The following ACSM1 variants were observed in gnomAD, a reference collection of about 807,000 sequenced individuals.
ACSM1 encodes acyl-coenzyme A synthetase ACSM1, mitochondrial.
In ACSM1, 79 loss-of-function variants were observed where a neutral mutation model predicts 75.8. That is an observed-to-expected ratio of 1.04 (90% CI 0.87 to 1.26). The LOEUF is 1.26. ACSM1 is among the 50% of genes most tolerant of loss of function. The probability of loss-of-function intolerance (pLI) is 0.00; values close to 1 mark genes in which losing one functional copy is unlikely to be tolerated. For synonymous variants in ACSM1, 279 were observed against 265.8 expected, an observed-to-expected ratio of 1.05 and a Z score of -0.48; for missense variants, 676 against 720.1, an observed-to-expected ratio of 0.94 and a Z score of 0.70.
intron 7 of ACSM1, among the ~76,000 whole-genome samples, chr16:20,649,909 T>C (rs919824622): frequency 6.6e-6 from 1 of 152,200 alleles, no homozygotes; most frequent in African/African-American, 2.4e-5. Flanking sequence ...GAATAAATCT[T>C]TAAACATATT....
chr16:20,637,296 G>A lies in ACSM1; in HGVS notation c.1197+75C>T, dbSNP rs879551108. 7 of 1,173,816 alleles carry A rather than the reference G, an allele frequency of 6.0e-6. No individual in the cohort carries two copies. In the East Asian group the frequency reaches 1.4e-4, roughly 23 times the overall value. 72.7% of individuals were successfully genotyped at this position (1,173,816 alleles called of 1,614,324 possible). Reference sequence around the variant, plus strand: ...ACTGGAGCAGGGAAGTGCGGCTGGTGTTGTCACCTGGTGTCAAATTGTCCA... The same window carrying A: ...ACTGGAGCAGGGAAGTGCGGCTGGTATTGTCACCTGGTGTCAAATTGTCCA... On this transcript the variant is annotated intron_variant, in intron 9 of 13. Coordinates refer to ENST00000520010, the MANE Select transcript of ACSM1 (RefSeq NM_001318890.3).
intron 7 of ACSM1, 97 bp downstream of exon 7, chr16:20,661,697 C>A: frequency 2.3e-6 from 2 of 882,192 alleles, no homozygotes; most frequent in Admixed American, 2.0e-5. Context: ...CAAACACACA[C>A]ACACTCCTCA....
chr16:20,685,092 G>T (rs2079522429), intron 3 of ACSM1, 101 bp downstream of exon 3: 1 of 1,278,244 alleles, frequency 7.8e-7, no homozygotes, highest in Non-Finnish European at 1.1e-6. Context: ...AGGCTTCAAA[G>T]CTGTGTCAGT....
intron 6 of ACSM1, 79 bp downstream of exon 6, chr16:20,669,743 TAATAA>T: frequency 7.0e-7 from 1 of 1,431,116 alleles, no homozygotes. Flanking sequence ...CTTCTTTGCT[TAATAA>T]AATATTTTTT....
Position 20,677,541 on chromosome 16 carries a change from C to T in ACSM1, c.611+4715G>A, listed in dbSNP as rs542770061. Among the ~76,000 whole-genome samples, 8 of 152,276 alleles carry T rather than the reference C, an allele frequency of 5.3e-5. No individual in the cohort carries two copies. In the South Asian group the frequency reaches 1.7e-3, roughly 32 times the overall value. ...CCTCATCAAGTCAGTACCAGGAGAC[C>T]CCCTTCATTGCTGTGTAAATGTGAT... is the stretch of plus-strand genomic sequence containing the variant. On this transcript the variant is annotated intron_variant, in intron 4 of 13. Transcript: ENST00000520010.
At chr16:20,653,619 C>T (rs2018774453) in intron 7 of ACSM1, among the ~76,000 whole-genome samples, 1 of 152,148 alleles carries the variant, frequency 6.6e-6, no homozygotes, top group Non-Finnish European at 1.5e-5. Flanking sequence ...AATAGACAAA[C>T]AGAGAGCCAA....
At chr16:20,686,472 G>A (rs2079556000) in intron 2 of ACSM1, among the ~76,000 whole-genome samples, 1 of 152,062 alleles carries the variant, frequency 6.6e-6, no homozygotes, top group South Asian at 2.1e-4. Context: ...CCAGTCTGAC[G>A]GGTCAGGGGC....
chr16:20,629,514 T>C (rs1485376482), intron 10 of ACSM1, among the ~76,000 whole-genome samples: 1 of 152,050 alleles, frequency 6.6e-6, no homozygotes, highest in Non-Finnish European at 1.5e-5. Context: ...ATAAAGGAAA[T>C]GAGGGCCAGA....
chr16:20,659,397 G>C (rs759599508), intron 7 of ACSM1, among the ~76,000 whole-genome samples: 1 of 152,034 alleles, frequency 6.6e-6, no homozygotes, highest in Non-Finnish European at 1.5e-5. Context: ...CAAGAGCGGG[G>C]ACTGAGGACT....
intron 3 of ACSM1, 116 bp downstream of exon 3, chr16:20,685,077 G>T: frequency 9.4e-7 from 1 of 1,064,426 alleles, no homozygotes; most frequent in East Asian, 2.5e-5. Context: ...CAGAAACTGG[G>T]GCGAAGGCTT....
intron 1 of ACSM1, among the ~76,000 whole-genome samples, chr16:20,692,885 C>T (rs1567316604): frequency 6.6e-6 from 1 of 152,046 alleles, no homozygotes; most frequent in Admixed American, 6.6e-5. Flanking sequence ...AAAATTAGAG[C>T]TTAGGCCAGG....
intron 7 of ACSM1, among the ~76,000 whole-genome samples, chr16:20,643,712 G>A (rs2018199956): frequency 6.6e-6 from 1 of 152,202 alleles, no homozygotes; most frequent in South Asian, 2.1e-4. Flanking sequence ...ATTTGGCCCT[G>A]CCCACATGCT....
chr16:20,691,255 C>T lies in ACSM1; in HGVS notation c.-51-16G>A. On this transcript the variant is annotated splice_polypyrimidine_tract_variant and intron_variant, in intron 1 of 13. Transcript: ENST00000520010. ...CACCACCTGCCTTGGGAAGAGATGG[C>T]TAATAGATTGGCTGTGTATCCAAAA... is the stretch of plus-strand genomic sequence containing the variant. The T allele has an allele frequency of 2.2e-6, 3 of 1,340,858 alleles. No individual in the cohort carries two copies. Among genetic ancestry groups the T allele is most frequent in the Non-Finnish European group, 3.0e-6 (3 of 996,900 alleles). The allele number at this position is 1,340,858 out of a possible 1,614,324, so 83.1% of individuals were successfully genotyped here. A position where few individuals can be genotyped will look rare whatever the true frequency, so the allele number is the denominator to read the frequency against.
chr16:20,651,758 C>CA (rs1235593359), intron 7 of ACSM1, among the ~76,000 whole-genome samples: 2 of 152,016 alleles, frequency 1.3e-5, no homozygotes, highest in Non-Finnish European at 2.9e-5. Context: ...AATGCTTTTT[C>CA]AAGTTCATGT....
At chr16:20,686,578 A>C (rs1233905643) in intron 2 of ACSM1, among the ~76,000 whole-genome samples, 3 of 152,222 alleles carry the variant, frequency 2.0e-5, no homozygotes, top group African/African-American at 7.2e-5. Context: ...CATGACACGC[A>C]TATACCTACA....
Position 20,624,190 on chromosome 16 carries a change from GT to G in ACSM1, c.1552del (p.Thr518ProfsTer12), listed in dbSNP as rs747757716. ...GEVVKAFIVL[T>X]PQFLSHDKDQ... is the part of the protein sequence containing the mutation. ...CTTGTCATGGGACAGGAACTGTGGG[GT>G]CAGGACAATAAAGGCCTTCACCACC... On this transcript the variant is annotated frameshift_variant, in exon 13 of 14. Transcript: ENST00000520010. LOFTEE classifies it high-confidence loss of function. 11 of 1,612,410 alleles carry G rather than the reference GT, an allele frequency of 6.8e-6. No homozygotes were observed. The East Asian group carries it at 1.6e-4, about 23-fold the overall frequency.
intron 4 of ACSM1, 128 bp from the exon 5 acceptor site, chr16:20,671,799 C>T (rs1022829579): frequency 2.0e-5 from 22 of 1,073,194 alleles, no homozygotes; most frequent in South Asian, 2.5e-5. Context: ...AAAACTGGCT[C>T]TCCCGGAGTT....
At position 20,644,954 on chromosome 16, in the gene ACSM1, A is replaced by G. The variant is rs144016269; in HGVS notation, c.993-4370T>C. On this transcript the variant is annotated intron_variant, in intron 7 of 13. Coordinates refer to ENST00000520010, the MANE Select transcript of ACSM1 (RefSeq NM_001318890.3). ...AAAATATAAATAAATAAATTACTCT[A>G]TCTCAATCCTGACTCAAAACATTGC... Among the ~76,000 whole-genome samples, 698 of 152,342 alleles carry G rather than the reference A, an allele frequency of 4.6e-3. 4 individuals carry two copies. Among genetic ancestry groups the G allele is most frequent in the Admixed American group, 0.015 (224 of 15,308 alleles).
At position 20,671,569 on chromosome 16, in the gene ACSM1, G is replaced by C; in HGVS notation, c.714C>G (p.His238Gln). 1 of 1,613,756 alleles carries C rather than the reference G, an allele frequency of 6.2e-7. No individual in the cohort carries two copies. The highest frequency in any genetic ancestry group is 8.5e-7 in the Non-Finnish European group (1 of 1,179,834). Residue 238 changes from histidine to glutamine, a missense_variant, in exon 5 of 14, where the codon CAC (histidine) becomes CAG (glutamine). Physicochemically the swap from His to Gln is conservative, Grantham distance 24 (BLOSUM62 0). Coordinates refer to ENST00000520010, the MANE Select transcript of ACSM1 (RefSeq NM_001318890.3). ...AGGGTTGTAAGGCCAACCCATGGGA[G>C]TGTTTTGCCATCTTGGGGAAGCCTG... ...GTTGFPKMAK[H>Q]SHGLALQPSF...
Sources: allele counts gnomAD v4.1 joint callset (sites outside exome capture counted in the v4.1 genomes callset), GRCh38; gene constraint gnomAD v4.1.1; transcripts MANE v1.5; gene names NCBI Gene and HGNC (gene_info 2026-07-23, HGNC 2026-07-21).